Variants in ABHD2 observed in about 807,000 individuals in gnomAD.
ABHD2 encodes the protein abhydrolase domain containing 2, acylglycerol lipase.
Under a neutral mutation model 48.1 loss-of-function variants are expected in ABHD2, and 20 were observed. The observed-to-expected ratio is 0.42, with a 90% CI of 0.29 to 0.60. The LOEUF is 0.60. ABHD2 is among the 20% of genes least tolerant of loss of function. ABHD2 has a pLI of 0.24. For synonymous variants in ABHD2, 209 were observed against 214.2 expected (o/e 0.98, Z 0.21); for missense variants, 405 against 550.9 (o/e 0.74, Z 2.65).
intron 4 of ABHD2, among the ~76,000 whole-genome samples, chr15:89,152,158 C>T (rs2050603146): frequency 6.6e-6 from 1 of 151,684 alleles, no homozygotes; most frequent in South Asian, 2.1e-4. Flanking sequence ...TCACTGCAAG[C>T]TCCGCCTCCC....
the ABHD2 span, among the ~76,000 whole-genome samples, chr15:89,069,674 CTT>C: frequency 5.3e-4 from 28 of 52,898 alleles, no homozygotes; most frequent in African/African-American, 1.3e-3. Flanking sequence ...TTCATTTACT[CTT>C]TTTTTTTTTT....
the ABHD2 span, among the ~76,000 whole-genome samples, chr15:89,051,774 G>A: frequency 6.6e-6 from 1 of 152,180 alleles, no homozygotes; most frequent in Non-Finnish European, 1.5e-5. Context: ...GGTGTCCCCA[G>A]CCATCTGGAA....
At chr15:89,068,783 T>TTTTTTTG in the ABHD2 span, among the ~76,000 whole-genome samples, 4 of 91,864 alleles carry the variant, frequency 4.4e-5, no homozygotes, top group South Asian at 1.2e-3. Context: ...TTTTTTTTTT[T>TTTTTTTG]GTCAAGAGGG....
upstream of ABHD2, among the ~76,000 whole-genome samples, chr15:89,083,920 A>T (rs1295182306): frequency 1.3e-5 from 2 of 152,218 alleles, no homozygotes; most frequent in Admixed American, 6.5e-5. This position sits in a 1 kb window ranked among gnomAD's most constrained non-coding sequence, Gnocchi z 5.1. Context: ...GTAACAGGAC[A>T]TTCTGAACCT....
chr15:89,126,297 C>A (rs1186736858), intron 3 of ABHD2, among the ~76,000 whole-genome samples: 1 of 152,164 alleles, frequency 6.6e-6, no homozygotes, highest in African/African-American at 2.4e-5. Flanking sequence ...CAGAATCCAC[C>A]TTGGTTCACC....
At chr15:89,078,666 C>T in the ABHD2 span, among the ~76,000 whole-genome samples, 2 of 152,058 alleles carry the variant, frequency 1.3e-5, no homozygotes, top group African/African-American at 4.8e-5. Context: ...GAATACATAT[C>T]CTCCTGATGA....
intron 3 of ABHD2, among the ~76,000 whole-genome samples, chr15:89,119,348 C>T (rs763251802): frequency 6.6e-6 from 1 of 152,172 alleles, no homozygotes; most frequent in Non-Finnish European, 1.5e-5. Flanking sequence ...ATTGCCCCCC[C>T]ATCCTTCAAC....
rs138502712 is a variant in ABHD2 at position 89,132,352 on chromosome 15, C to T, written c.194+15831C>T. Among the ~76,000 whole-genome samples the T allele has an allele frequency of 1.6e-3, 248 of 152,264 alleles. 1 individual carries two copies. The highest frequency in any genetic ancestry group is 5.4e-3 in the African/African-American group (226 of 41,540). ...AAGGGGCTAAATAAATGTTTGCTCC[C>T]TCCCTTAACTATAGCTAATAAACAG... is the stretch of plus-strand genomic sequence containing the variant. On this transcript the variant is annotated intron_variant, in intron 3 of 10. Coordinates refer to ENST00000352732, the MANE Select transcript of ABHD2 (RefSeq NM_152924.5).
rs2051437177 is a variant in ABHD2 at position 89,198,543 on chromosome 15, CA to C, written c.*3121del. The C allele has an allele frequency of 6.6e-6, 1 of 152,200 alleles. No homozygotes were observed. The highest frequency in any genetic ancestry group is 6.5e-5 in the Admixed American group (1 of 15,286). 9.4% of individuals were successfully genotyped at this position (152,200 alleles called of 1,614,324 possible). On this transcript the variant is annotated 3_prime_UTR_variant, in exon 11 of 11. Coordinates refer to ENST00000352732, the MANE Select transcript of ABHD2 (RefSeq NM_152924.5). This position sits in a 1 kb window ranked among gnomAD's most constrained non-coding sequence, Gnocchi z 5.1. Reference sequence around the variant, plus strand: ...TTACAATATTCTTTTAACCTCTCTGCAGCATTTTACACTTACTGGGAACCTT... The same window carrying C: ...TTACAATATTCTTTTAACCTCTCTGCGCATTTTACACTTACTGGGAACCTT...
intron 1 of ABHD2, among the ~76,000 whole-genome samples, chr15:89,107,959 C>G (rs2049812938): frequency 6.6e-6 from 1 of 152,188 alleles, no homozygotes. Context: ...ATAGCTGAAT[C>G]ACAGAGGCAA....
rs1596176875 is a variant in ABHD2 at position 89,201,918 on chromosome 15, C to T, written c.*6495C>T. 1.6e-5 allele frequency: 9 copies of T among 575,276 alleles called. No individual in the cohort carries two copies. The East Asian group carries it at 2.6e-4, about 17-fold the overall frequency. 35.6% of individuals were successfully genotyped at this position (575,276 alleles called of 1,614,324 possible). A position where few individuals can be genotyped will look rare whatever the true frequency, so the allele number is the denominator to read the frequency against. ...TTTTCCTGGTTAGACTCTGTTCAAC[C>T]ACATTCTTATGTTGGCAGATCTGCT... On this transcript the variant is annotated 3_prime_UTR_variant, in exon 11 of 11. Transcript: ENST00000352732.
At chr15:89,121,245 G>A (rs966039698) in intron 3 of ABHD2, among the ~76,000 whole-genome samples, 1 of 152,158 alleles carries the variant, frequency 6.6e-6, no homozygotes, top group Non-Finnish European at 1.5e-5. Context: ...AATGAAATAG[G>A]TGTGTCTCCC....
chr15:89,182,749 C>T lies in ABHD2; in HGVS notation c.723-2675C>T, dbSNP rs1205400209. On this transcript the variant is annotated intron_variant, in intron 6 of 10. Transcript: ENST00000352732. This position sits in a 1 kb window ranked among gnomAD's most constrained non-coding sequence, Gnocchi z 4.8. ...TGGAGGTTGCAGTGAGCTGAGATCA[C>T]ACCACTGCACTCCAGCCTGAGCAAC... Among the ~76,000 whole-genome samples, 5 of 152,164 alleles carry T rather than the reference C, an allele frequency of 3.3e-5. No homozygotes were observed. Among genetic ancestry groups the T allele is most frequent in the African/African-American group, 1.2e-4 (5 of 41,440 alleles).
chr15:89,113,354 C>A (rs765123016), intron 1 of ABHD2, among the ~76,000 whole-genome samples: 2 of 152,228 alleles, frequency 1.3e-5, no homozygotes, highest in African/African-American at 4.8e-5. Flanking sequence ...TGTGCTGTCT[C>A]GATCTCAAGC....
chr15:89,175,403 C>CAT lies in ABHD2; in HGVS notation c.539-408_539-407dup, dbSNP rs2050996400. Reference sequence around the variant, plus strand: ...GTAGTGTGTAGAGGTGGGGTCTCACCATTTTGTCCAGGCTGGCCTAGCTTT... The same window carrying CAT: ...GTAGTGTGTAGAGGTGGGGTCTCACCATATTTTGTCCAGGCTGGCCTAGCTTT... On this transcript the variant is annotated intron_variant, in intron 5 of 10. Coordinates refer to ENST00000352732, the MANE Select transcript of ABHD2 (RefSeq NM_152924.5). The surrounding 1 kb of genome is among the most constrained non-coding windows in gnomAD (Gnocchi z 5.7). Among the ~76,000 whole-genome samples, 1 of 152,080 alleles carries CAT rather than the reference C, an allele frequency of 6.6e-6. No individual in the cohort carries two copies. Among genetic ancestry groups the CAT allele is most frequent in the Non-Finnish European group, 1.5e-5 (1 of 68,004 alleles).
the ABHD2 span, among the ~76,000 whole-genome samples, chr15:89,071,481 G>A: frequency 2.6e-5 from 4 of 152,194 alleles, no homozygotes; most frequent in African/African-American, 9.7e-5. Flanking sequence ...AGAGTCTCCA[G>A]CAGTGGCAGA....
chr15:89,117,129 G>A (rs533933852), intron 3 of ABHD2, among the ~76,000 whole-genome samples: 6 of 152,292 alleles, frequency 3.9e-5, no homozygotes, highest in Non-Finnish European at 5.9e-5. Flanking sequence ...GGGTTCAAGC[G>A]ATTCTGGTGT....
At chr15:89,190,957 C>T (rs2051293179) in intron 8 of ABHD2, 123 bp from the exon 9 acceptor site, 7 of 843,900 alleles carry the variant, frequency 8.3e-6, no homozygotes, top group South Asian at 1.6e-5. Context: ...GCTCCTGCCT[C>T]TGTCTACTCT....
chr15:89,135,964 T>C (rs2050303323), intron 3 of ABHD2: 2 of 386,774 alleles, frequency 5.2e-6, no homozygotes, highest in Admixed American at 7.3e-5. Context: ...TTCCCTTTTG[T>C]TGCCCAGGCT....
Sources: gnomAD v4.1 joint callset for allele counts (sites outside exome capture counted in the v4.1 genomes callset) on GRCh38, gnomAD v4.1.1 for gene constraint, Gnocchi (gnomAD v3.1) non-coding constraint, MANE v1.5 for transcripts, NCBI Gene and HGNC (gene_info 2026-07-23, HGNC 2026-07-21) for gene names.